AUTS2: variants seen among roughly 807,000 people sequenced by gnomAD.
AUTS2 encodes activator of transcription and developmental regulator AUTS2.
A neutral mutation model predicts 112.4 loss-of-function variants in AUTS2; 17 were observed. The observed-to-expected ratio is 0.15, with a 90% CI of 0.10 to 0.23. AUTS2 has a LOEUF of 0.23. Among genes scored for constraint, AUTS2 ranks in the 10% least tolerant of loss-of-function variants. AUTS2 has a pLI of 1.00. For missense variants in AUTS2, 1,510 were observed against 1,701.6 expected (o/e 0.89, Z 1.98); for synonymous variants, 751 against 702.7 (o/e 1.07, Z -1.09).
At chr7:70,312,009 C>T (rs986914081) in intron 4 of AUTS2, among the ~76,000 whole-genome samples, 19 of 152,148 alleles carry the variant, frequency 1.2e-4, no homozygotes, top group East Asian at 5.8e-4. Flanking sequence ...CCACCGCGCC[C>T]GGCCACACTT....
chr7:69,906,287 C>G (rs1795145927), intron 2 of AUTS2, among the ~76,000 whole-genome samples: 1 of 152,232 alleles, frequency 6.6e-6, no homozygotes, highest in African/African-American at 2.4e-5. Flanking sequence ...CAGATCTCAG[C>G]TAAAGAACAT....
At chr7:70,765,987 CAG>C in intron 8 of AUTS2, 125 bp from the exon 9 acceptor site, 1 of 1,455,882 alleles carries the variant, frequency 6.9e-7, no homozygotes, top group Non-Finnish European at 9.1e-7. Context: ...CCGTTTATCT[CAG>C]GGCCCAGCCA....
intron 1 of AUTS2, among the ~76,000 whole-genome samples, chr7:69,667,617 AAGTGCT>A (rs1358873116): frequency 6.6e-6 from 1 of 152,082 alleles, no homozygotes; most frequent in Non-Finnish European, 1.5e-5. Context: ...TGGCCTCCCA[AAGTGCT>A]AGGATTACAG....
intron 4 of AUTS2, among the ~76,000 whole-genome samples, chr7:70,390,693 C>T (rs1345101356): frequency 6.6e-6 from 1 of 151,962 alleles, no homozygotes; most frequent in Non-Finnish European, 1.5e-5. Flanking sequence ...CACTCAACTG[C>T]TATGCTAAGA....
intron 5 of AUTS2, among the ~76,000 whole-genome samples, chr7:70,503,339 G>GATTT (rs1798838542): frequency 1.3e-5 from 2 of 151,960 alleles, no homozygotes; most frequent in African/African-American, 4.8e-5. Context: ...TGTAGCATTA[G>GATTT]ATTTACAAAG....
chr7:70,538,438 G>A (rs1158434916), intron 5 of AUTS2, among the ~76,000 whole-genome samples: 1 of 152,120 alleles, frequency 6.6e-6, no homozygotes, highest in Non-Finnish European at 1.5e-5. Context: ...GCTGAGGCAG[G>A]AGCATCGCTT....
intron 2 of AUTS2, among the ~76,000 whole-genome samples, chr7:69,962,474 C>T (rs1797470446): frequency 6.6e-6 from 1 of 152,142 alleles, no homozygotes; most frequent in Non-Finnish European, 1.5e-5. Flanking sequence ...ATGGGGCTTT[C>T]TTTTTCTGCT....
chr7:70,102,398 G>T (rs1203792319), intron 2 of AUTS2, among the ~76,000 whole-genome samples: 2 of 151,934 alleles, frequency 1.3e-5, no homozygotes, highest in African/African-American at 4.8e-5. Flanking sequence ...GATTACAGGT[G>T]TGAGCCACCA....
chr7:69,687,923 A>G (rs929039081), intron 1 of AUTS2, among the ~76,000 whole-genome samples: 2 of 152,210 alleles, frequency 1.3e-5, no homozygotes, highest in African/African-American at 2.4e-5. Flanking sequence ...ATTAAGCCAT[A>G]TAATGGACTA....
intron 1 of AUTS2, among the ~76,000 whole-genome samples, chr7:69,706,626 G>C (rs922541353): frequency 6.6e-6 from 1 of 152,136 alleles, no homozygotes; most frequent in Non-Finnish European, 1.5e-5. Context: ...CCTTTTATGA[G>C]GAGTTTTTTC....
chr7:70,769,843 G>A (rs1324356633), intron 10 of AUTS2, among the ~76,000 whole-genome samples: 2 of 152,178 alleles, frequency 1.3e-5, no homozygotes, highest in African/African-American at 4.8e-5. Context: ...GAAGGTGTAT[G>A]TATTATTACT....
In AUTS2 at chr7:69,719,425, A is replaced by G. The variant is rs572021435; in HGVS notation, c.309+119463A>G. Among the ~76,000 whole-genome samples, 9 of 152,300 alleles carry G rather than the reference A, an allele frequency of 5.9e-5. 1 individual carries two copies. The South Asian group carries it at 1.9e-3, about 32-fold the overall frequency. On this transcript the variant is annotated intron_variant, in intron 1 of 18. Transcript: ENST00000342771. ...AGGAAGATTTAATAGGAGGCTTTAA[A>G]TGCTGGGGGGAATTGTCATACAGAA... is the stretch of plus-strand genomic sequence containing the variant.
chr7:69,763,474 C>T (rs1288186693), intron 1 of AUTS2, among the ~76,000 whole-genome samples: 1 of 152,126 alleles, frequency 6.6e-6, no homozygotes, highest in Non-Finnish European at 1.5e-5. Flanking sequence ...TCTTCTCATT[C>T]TTGTAGGTCC....
intron 4 of AUTS2, chr7:70,292,953 G>T (rs1160767987): frequency 1.3e-5 from 2 of 152,146 alleles, no homozygotes; most frequent in African/African-American, 4.8e-5. Context: ...GATTGCCTTT[G>T]TACATGTTAT....
chr7:70,584,709 G>T (rs1802604679), intron 5 of AUTS2, among the ~76,000 whole-genome samples: 1 of 152,256 alleles, frequency 6.6e-6, no homozygotes, highest in Non-Finnish European at 1.5e-5. Flanking sequence ...CACACCACAG[G>T]CCCCTGTTCC....
At chr7:69,742,093 G>A (rs1241126417) in intron 1 of AUTS2, among the ~76,000 whole-genome samples, 1 of 150,682 alleles carries the variant, frequency 6.6e-6, no homozygotes, top group African/African-American at 2.4e-5. Flanking sequence ...TAAGCCACTG[G>A]TGCCCAGCCT....
At chr7:70,044,742 G>T (rs961873849) in intron 2 of AUTS2, among the ~76,000 whole-genome samples, 2 of 152,224 alleles carry the variant, frequency 1.3e-5, no homozygotes, top group South Asian at 2.1e-4. Flanking sequence ...CAGATTGACC[G>T]CTGAGAGAGA....
At chr7:70,446,241 A>G (rs1796313095) in intron 5 of AUTS2, among the ~76,000 whole-genome samples, 3 of 152,186 alleles carry the variant, frequency 2.0e-5, no homozygotes, top group African/African-American at 4.8e-5. Flanking sequence ...AGCCCAAATG[A>G]TAGTAAATAC....
At chr7:69,983,873 G>T (rs1333620167) in intron 2 of AUTS2, among the ~76,000 whole-genome samples, 1 of 152,146 alleles carries the variant, frequency 6.6e-6, no homozygotes, top group South Asian at 2.1e-4. Flanking sequence ...TTCCTCTAGG[G>T]TTCTAGTTAT....
Sources: allele counts gnomAD v4.1 joint callset (sites outside exome capture counted in the v4.1 genomes callset), GRCh38; gene constraint gnomAD v4.1.1; transcripts MANE v1.5; gene names NCBI Gene and HGNC (gene_info 2026-07-23, HGNC 2026-07-21).